PTH2R: variants seen among roughly 807,000 people sequenced by gnomAD.
The protein encoded by PTH2R is PTH2 receptor.
Under a neutral mutation model 60.3 loss-of-function variants are expected in PTH2R, and 59 were observed. The ratio of observed to expected loss-of-function variants is 0.98; its 90% CI spans 0.79 to 1.22. The LOEUF (loss-of-function observed/expected upper bound fraction) is 1.22, where lower values mean the gene tolerates loss of function less well. Ranked by LOEUF, PTH2R falls within the 50% of genes most tolerant of loss-of-function variation. PTH2R has a pLI of 0.00. For synonymous variants in PTH2R, 256 were observed against 243.8 expected (o/e 1.05, Z -0.47); for missense variants, 749 against 682.6 (o/e 1.10, Z -1.08).
chr2:208,375,005 G>C (rs1325573329), intron 1 of PTH2R, among the ~76,000 whole-genome samples: 1 of 152,056 alleles, frequency 6.6e-6, no homozygotes, highest in African/African-American at 2.4e-5. Context: ...GAAGACTGAT[G>C]AGGTCTATTT....
intron 2 of PTH2R, among the ~76,000 whole-genome samples, chr2:208,434,319 T>C (rs988443115): frequency 6.6e-6 from 1 of 152,040 alleles, no homozygotes. Context: ...AAAATCTCTA[T>C]TTTCTATGTG....
chr2:208,483,159 T>C (rs998218689), intron 10 of PTH2R, among the ~76,000 whole-genome samples: 8 of 152,190 alleles, frequency 5.3e-5, no homozygotes, highest in Non-Finnish European at 7.3e-5. Flanking sequence ...CCTATGCCCA[T>C]AGAATGCACA....
At chr2:208,440,169 G>T (rs193073921) in intron 4 of PTH2R, among the ~76,000 whole-genome samples, 1 of 152,312 alleles carries the variant, frequency 6.6e-6, no homozygotes, top group Non-Finnish European at 1.5e-5. Context: ...GCTGGGCATA[G>T]TGGCCTGTGT....
chr2:208,386,715 TCA>T (rs988825209), intron 1 of PTH2R, among the ~76,000 whole-genome samples: 1 of 152,140 alleles, frequency 6.6e-6, no homozygotes, highest in Non-Finnish European at 1.5e-5. Context: ...GGTTTGCAAA[TCA>T]CAGATTTCTC....
intron 1 of PTH2R, among the ~76,000 whole-genome samples, chr2:208,380,751 C>G (rs776530617): frequency 2.6e-5 from 4 of 152,136 alleles, no homozygotes; most frequent in Non-Finnish European, 4.4e-5. Flanking sequence ...TGAGCACTAG[C>G]TTTCCCCTGT....
chr2:208,437,797 G>A lies in PTH2R; in HGVS notation c.327G>A (p.Trp109Ter). ...GACACTGTAACCCCAATGGAACATG[G>A]GATTTTATGCACAGCTTAAATAAAA... ...AFRHCNPNGT[W>*]DFMHSLNKTW... is the part of the protein sequence containing the mutation. Residue 109 changes from tryptophan (W) to a stop codon, truncating the protein, a stop_gained, in exon 4 of 13, where the codon TGG becomes TGA. Transcript: ENST00000272847. LOFTEE classifies it high-confidence loss of function. The A allele has an allele frequency of 6.2e-7, 1 of 1,613,700 alleles. No individual in the cohort carries two copies. Among genetic ancestry groups the A allele is most frequent in the Non-Finnish European group, 8.5e-7 (1 of 1,179,726 alleles).
intron 12 of PTH2R, among the ~76,000 whole-genome samples, chr2:208,493,022 A>T (rs982118787): frequency 3.9e-5 from 6 of 152,184 alleles, no homozygotes; most frequent in Admixed American, 6.5e-5. Flanking sequence ...TTCTGTTTAA[A>T]GTCTGATCTT....
chr2:208,389,992 C>T (rs916869034), intron 1 of PTH2R, among the ~76,000 whole-genome samples: 10 of 152,132 alleles, frequency 6.6e-5, no homozygotes, highest in Non-Finnish European at 1.5e-4. Context: ...TGATTTTTTA[C>T]ATTATAGTCA....
intron 10 of PTH2R, among the ~76,000 whole-genome samples, chr2:208,485,963 C>G (rs1439307064): frequency 1.3e-5 from 2 of 152,174 alleles, no homozygotes; most frequent in Non-Finnish European, 2.9e-5. Flanking sequence ...ATAGCTAGAA[C>G]CTGAGAAAAG....
At chr2:208,490,613 G>A (rs747522102) in intron 11 of PTH2R, 26 bp from the exon 12 acceptor site, 2 of 1,601,956 alleles carry the variant, frequency 1.2e-6, no homozygotes, top group South Asian at 2.3e-5. Context: ...AGTTGGCAGT[G>A]GGCTGACTTT....
upstream of PTH2R, among the ~76,000 whole-genome samples, chr2:208,402,921 A>G (rs1226222077): frequency 6.6e-6 from 1 of 152,244 alleles, no homozygotes; most frequent in East Asian, 1.9e-4. Flanking sequence ...ATGTGGAAAC[A>G]GAAGACCTAA....
intron 1 of PTH2R, among the ~76,000 whole-genome samples, chr2:208,377,079 C>T (rs913635554): frequency 2.0e-5 from 3 of 151,938 alleles, no homozygotes; most frequent in African/African-American, 4.8e-5. Context: ...TGACTCTTAA[C>T]GAGTCTGCTG....
upstream of PTH2R, among the ~76,000 whole-genome samples, chr2:208,404,578 A>T (rs1346241560): frequency 2.6e-5 from 4 of 152,158 alleles, no homozygotes; most frequent in Non-Finnish European, 4.4e-5. Context: ...TTTCCTCGAC[A>T]TTGTCATTAT....
chr2:208,429,202 A>G (rs1701921180), intron 2 of PTH2R, among the ~76,000 whole-genome samples: 1 of 151,712 alleles, frequency 6.6e-6, no homozygotes, highest in Non-Finnish European at 1.5e-5. Context: ...ACAATGTTTT[A>G]TAGTGTCCAC....
chr2:208,365,861 G>A, intron 1 of PTH2R, among the ~76,000 whole-genome samples: 1 of 131,810 alleles, frequency 7.6e-6, no homozygotes, highest in East Asian at 2.2e-4. Flanking sequence ...TCAGCCTCCT[G>A]AGTAGCTGGG....
At chr2:208,365,443 A>C (rs1190874724) in intron 1 of PTH2R, among the ~76,000 whole-genome samples, 1 of 152,096 alleles carries the variant, frequency 6.6e-6, no homozygotes, top group Non-Finnish European at 1.5e-5. Context: ...GGAGATGGTC[A>C]TGTGGGTTTT....
intron 11 of PTH2R, among the ~76,000 whole-genome samples, chr2:208,489,851 C>G (rs1292600261): frequency 6.6e-6 from 1 of 152,166 alleles, no homozygotes; most frequent in African/African-American, 2.4e-5. Flanking sequence ...AATATTGCTT[C>G]CATACGTTCT....
At chr2:208,464,404 C>T (rs1299244131) in intron 9 of PTH2R, among the ~76,000 whole-genome samples, 2 of 152,166 alleles carry the variant, frequency 1.3e-5, no homozygotes, top group Admixed American at 1.3e-4. Context: ...GTGAACCTGA[C>T]GGGCGCCCGA....
In PTH2R at chr2:208,465,649, C is replaced by T. The variant is rs571679324; in HGVS notation, c.981+5688C>T. Among the ~76,000 whole-genome samples the T allele has an allele frequency of 1.6e-4, 24 of 152,064 alleles. No homozygotes were observed. The South Asian group carries it at 4.8e-3, about 30-fold the overall frequency. On this transcript the variant is annotated intron_variant, in intron 9 of 12. Transcript: ENST00000272847. ...AAACTCCCGACCTCAGTGATCCGCC[C>T]GCCTCGGCCTCCCAAAGTGCTGGAA... is the stretch of plus-strand genomic sequence containing the variant.
Sources: allele counts gnomAD v4.1 joint callset (sites outside exome capture counted in the v4.1 genomes callset), GRCh38; gene constraint gnomAD v4.1.1; transcripts MANE v1.5; gene names NCBI Gene and HGNC (gene_info 2026-07-23, HGNC 2026-07-21).